Variants in NEDD4L observed in about 807,000 individuals in gnomAD.
NEDD4L encodes E3 ubiquitin-protein ligase NEDD4-like.
Under a neutral mutation model 148.9 loss-of-function variants are expected in NEDD4L, and 54 were observed. The ratio of observed to expected loss-of-function variants is 0.36; its 90% CI spans 0.29 to 0.45. NEDD4L has a LOEUF of 0.45. Ranked by LOEUF, NEDD4L falls within the 20% of genes least tolerant of loss-of-function variation. The pLI, the probability that NEDD4L is intolerant of heterozygous loss-of-function variation, is 1.00. For synonymous variants in NEDD4L, 433 were observed against 440.7 expected, an observed-to-expected ratio of 0.98 and a Z score of 0.22; for missense variants, 856 against 1,233.8, an observed-to-expected ratio of 0.69 and a Z score of 4.59.
At chr18:58,198,425 A>G (rs993232848) in intron 2 of NEDD4L, among the ~76,000 whole-genome samples, 1 of 152,078 alleles carries the variant, frequency 6.6e-6, no homozygotes, top group African/African-American at 2.4e-5. Context: ...TCCCAACTGG[A>G]TCTTTTCTAC....
chr18:58,061,528 C>CAGGA lies in NEDD4L; in HGVS notation c.48+16828_48+16831dup, dbSNP rs2082334783. Among the ~76,000 whole-genome samples the CAGGA allele has an allele frequency of 3.3e-5, 5 of 150,762 alleles. No homozygotes were observed. In the South Asian group the frequency reaches 1.1e-3, roughly 32 times the overall value. On this transcript the variant is annotated intron_variant, in intron 1 of 30. Transcript: ENST00000400345. ...CATGGTGGCTCCAGACTAGAGGAGG[C>CAGGA]AGGAAGGAAGGTGGTTATTTATAGT...
intron 2 of NEDD4L, among the ~76,000 whole-genome samples, chr18:58,183,706 C>T (rs112094588): frequency 1.3e-5 from 2 of 152,192 alleles, no homozygotes; most frequent in Admixed American, 6.5e-5. Flanking sequence ...ATCGCTTCAT[C>T]GGATTTCAGT....
At chr18:58,202,007 A>G (rs2041469305) in intron 2 of NEDD4L, among the ~76,000 whole-genome samples, 1 of 152,184 alleles carries the variant, frequency 6.6e-6, no homozygotes, top group African/African-American at 2.4e-5. Flanking sequence ...GGCATATGTC[A>G]TTTGGTATTT....
intron 2 of NEDD4L, among the ~76,000 whole-genome samples, chr18:58,242,072 A>G (rs1336317539): frequency 2.7e-5 from 4 of 150,200 alleles, no homozygotes; most frequent in African/African-American, 1.0e-4. Context: ...CTCTACCCAG[A>G]TCCCGTGGGA....
chr18:58,219,631 G>C (rs200367046), intron 2 of NEDD4L, among the ~76,000 whole-genome samples: 1 of 46,152 alleles, frequency 2.2e-5, no homozygotes, highest in East Asian at 2.8e-3. Flanking sequence ...TTGTGTACCT[G>C]TGTCCGTGTC....
intron 2 of NEDD4L, among the ~76,000 whole-genome samples, chr18:58,178,448 G>T (rs2038426908): frequency 1.6e-5 from 1 of 64,014 alleles, no homozygotes; most frequent in Non-Finnish European, 2.9e-5. Context: ...TCACTGCTTT[G>T]TGTTAATAAA....
At chr18:58,164,270 G>A (rs1199606564) in intron 1 of NEDD4L, among the ~76,000 whole-genome samples, 1 of 152,032 alleles carries the variant, frequency 6.6e-6, no homozygotes, top group Non-Finnish European at 1.5e-5. Context: ...TAGTAAGCAC[G>A]CCTCTATTTT....
At chr18:58,264,526 G>C (rs2049937706) in intron 5 of NEDD4L, among the ~76,000 whole-genome samples, 2 of 151,948 alleles carry the variant, frequency 1.3e-5, no homozygotes, top group South Asian at 4.2e-4. Context: ...CTGTTTATGG[G>C]GGTACATGTG....
intron 1 of NEDD4L, among the ~76,000 whole-genome samples, chr18:58,107,722 G>GA (rs768414076): frequency 0.1 from 13,931 of 133,244 alleles, 680 homozygotes; most frequent in Non-Finnish European, 0.12. Flanking sequence ...CCTGTCTCCA[G>GA]AAAAAAAAAA....
chr18:58,322,379 A>T (rs2058873479), intron 6 of NEDD4L, 46 bp from the exon 7 acceptor site: 1 of 1,318,128 alleles, frequency 7.6e-7, no homozygotes, highest in South Asian at 1.2e-5. Context: ...TAAAACATGA[A>T]ATTATTAGGA....
chr18:58,369,991 C>T (rs2046638597), intron 22 of NEDD4L, among the ~76,000 whole-genome samples: 1 of 152,224 alleles, frequency 6.6e-6, no homozygotes, highest in Admixed American at 6.5e-5. Flanking sequence ...CTCCAGCACC[C>T]CATGTGGGCT....
chr18:58,330,836 T>A lies in NEDD4L; in HGVS notation c.912T>A (p.Pro304=), dbSNP rs1404828869. Residue 304 remains proline, a synonymous_variant, in exon 11 of 31, where the codon CCT becomes CCA. Transcript: ENST00000400345. ...CCTCCCCAGGATCTCGGACCAGCCC[T>A]CAGGAGCTGTCAGAGGAACTAAGCA... The part of the protein sequence containing the change: ...PPASPGSRTS[P]QELSEELSRR... 6.2e-7 allele frequency: 1 copy of A among 1,613,932 alleles called. No individual in the cohort carries two copies. Among genetic ancestry groups the A allele is most frequent in the Non-Finnish European group, 8.5e-7 (1 of 1,179,856 alleles).
At chr18:58,293,507 G>A (rs1174607333) in intron 5 of NEDD4L, among the ~76,000 whole-genome samples, 3 of 152,146 alleles carry the variant, frequency 2.0e-5, no homozygotes, top group Non-Finnish European at 4.4e-5. Context: ...TAATAACCCA[G>A]GTTGTGTACA....
chr18:58,188,603 G>T (rs1245920301), intron 2 of NEDD4L, among the ~76,000 whole-genome samples: 1 of 152,236 alleles, frequency 6.6e-6, no homozygotes, highest in African/African-American at 2.4e-5. Flanking sequence ...TCTGGCCCCA[G>T]TACACTCTCA....
At chr18:58,236,532 T>C (rs939115843) in intron 2 of NEDD4L, among the ~76,000 whole-genome samples, 1 of 152,184 alleles carries the variant, frequency 6.6e-6, no homozygotes, top group Non-Finnish European at 1.5e-5. Flanking sequence ...CTTTGCCTCC[T>C]GGCCTCACAG....
chr18:58,354,653 A>G (rs1196745067), intron 18 of NEDD4L, among the ~76,000 whole-genome samples: 1 of 152,206 alleles, frequency 6.6e-6, no homozygotes, highest in Non-Finnish European at 1.5e-5. Context: ...GACTGGTCTT[A>G]AGTGGTAGAG....
chr18:58,139,770 C>G (rs2033284472), intron 1 of NEDD4L, among the ~76,000 whole-genome samples: 1 of 152,074 alleles, frequency 6.6e-6, no homozygotes. Flanking sequence ...TTGCTAACCT[C>G]CCAAAGGGAG....
intron 1 of NEDD4L, among the ~76,000 whole-genome samples, chr18:58,121,463 C>T (rs555245271): frequency 6.6e-6 from 1 of 151,986 alleles, no homozygotes; most frequent in South Asian, 2.1e-4. Flanking sequence ...CTCTATCACC[C>T]AGGCTGGAGC....
At chr18:58,232,326 C>T (rs1568438346) in intron 2 of NEDD4L, among the ~76,000 whole-genome samples, 1 of 152,166 alleles carries the variant, frequency 6.6e-6, no homozygotes, top group Non-Finnish European at 1.5e-5. Context: ...TGGATTTAAC[C>T]AGGCTGAGAT....
Sources: gnomAD v4.1 joint callset for allele counts (sites outside exome capture counted in the v4.1 genomes callset) on GRCh38, gnomAD v4.1.1 for gene constraint, MANE v1.5 for transcripts, NCBI Gene and HGNC (gene_info 2026-07-23, HGNC 2026-07-21) for gene names.